The following CTNNA2 variants were observed in gnomAD, a reference collection of about 807,000 sequenced individuals.
The protein encoded by CTNNA2 is catenin alpha-2.
CTNNA2 carries 42 observed loss-of-function variants against 101.0 expected under a neutral mutation model. That is an observed-to-expected ratio of 0.42 (90% confidence interval 0.32 to 0.54). The LOEUF is 0.54. Ranked by LOEUF, CTNNA2 falls within the 20% of genes least tolerant of loss-of-function variation. The pLI, the probability that CTNNA2 is intolerant of heterozygous loss-of-function variation, is 0.14. For missense variants in CTNNA2, 871 were observed against 1,223.1 expected (o/e 0.71, Z 4.29); for synonymous variants, 450 against 456.4 (o/e 0.99, Z 0.18).
chr2:79,970,271 C>G (rs1273184535), intron 7 of CTNNA2, among the ~76,000 whole-genome samples: 1 of 152,152 alleles, frequency 6.6e-6, no homozygotes, highest in Non-Finnish European at 1.5e-5. Flanking sequence ...CACCACCAGG[C>G]CAACCTCTTG....
chr2:79,588,438 AC>A (rs1043401193), intron 1 of CTNNA2, among the ~76,000 whole-genome samples: 4 of 152,314 alleles, frequency 2.6e-5, no homozygotes, highest in African/African-American at 9.6e-5. Context: ...ATAAAGATAT[AC>A]TTACATTTAT....
intron 7 of CTNNA2, among the ~76,000 whole-genome samples, chr2:80,246,449 T>C (rs1412496969): frequency 6.6e-6 from 1 of 152,234 alleles, no homozygotes; most frequent in East Asian, 1.9e-4. Context: ...ACTTGTTTAA[T>C]GAAAACTGAA....
chr2:79,951,564 C>T (rs767132375), intron 7 of CTNNA2, among the ~76,000 whole-genome samples: 5 of 151,932 alleles, frequency 3.3e-5, no homozygotes, highest in South Asian at 2.1e-4. Flanking sequence ...ACATGGGAAA[C>T]GGAGGCAGGA....
intron 2 of CTNNA2, among the ~76,000 whole-genome samples, chr2:79,214,147 A>G (rs1674214849): frequency 6.6e-6 from 1 of 152,156 alleles, no homozygotes; most frequent in Admixed American, 6.5e-5. Context: ...GAATTATGCC[A>G]AGATAGGTAA....
intron 6 of CTNNA2, among the ~76,000 whole-genome samples, chr2:79,897,227 A>G (rs1684776900): frequency 6.6e-6 from 1 of 152,094 alleles, no homozygotes; most frequent in African/African-American, 2.4e-5. Flanking sequence ...GTCCTAGATA[A>G]TAACCTATTA....
intron 7 of CTNNA2, among the ~76,000 whole-genome samples, chr2:79,977,162 AATAAATGCATGAGTG>A (rs1690910509): frequency 6.6e-6 from 1 of 151,492 alleles, no homozygotes; most frequent in African/African-American, 2.4e-5. Context: ...TATGTGAATC[AATAAATGCATGAGTG>A]ATGTAATTGC....
Position 80,480,120 on chromosome 2 carries a change from A to G in CTNNA2, c.1290+60519A>G, listed in dbSNP as rs187936747. ...ATGCCCAATAAAAAATAAAATGTAAACCTTACCCATTATTTGCATGTTAAT... is the reference window on the plus strand; with the variant it reads ...ATGCCCAATAAAAAATAAAATGTAAGCCTTACCCATTATTTGCATGTTAAT... On this transcript the variant is annotated intron_variant, in intron 9 of 18. Coordinates refer to ENST00000402739, the MANE Select transcript of CTNNA2 (RefSeq NM_001282597.3). Among the ~76,000 whole-genome samples, 32 of 152,152 alleles carry G rather than the reference A, an allele frequency of 2.1e-4. No homozygotes were observed. The East Asian group carries it at 5.8e-3, about 28-fold the overall frequency.
At chr2:79,816,198 A>C (rs1383845881) in intron 3 of CTNNA2, among the ~76,000 whole-genome samples, 2 of 152,106 alleles carry the variant, frequency 1.3e-5, no homozygotes, top group Admixed American at 1.3e-4. Flanking sequence ...TATCGTCAGC[A>C]ATGAGTGACA....
chr2:79,699,331 A>T (rs1293505937), intron 2 of CTNNA2, among the ~76,000 whole-genome samples: 3 of 152,098 alleles, frequency 2.0e-5, no homozygotes, highest in African/African-American at 7.2e-5. Context: ...TAATAAGATG[A>T]GGATCATAAA....
chr2:80,141,853 G>A (rs1002052546), intron 7 of CTNNA2, among the ~76,000 whole-genome samples: 14 of 116,326 alleles, frequency 1.2e-4, no homozygotes, highest in East Asian at 2.8e-4. Context: ...ACTAAAGATA[G>A]CATTTTTTTT....
intron 7 of CTNNA2, among the ~76,000 whole-genome samples, chr2:80,081,612 G>T (rs142886289): frequency 6.7e-6 from 1 of 149,544 alleles, no homozygotes; most frequent in African/African-American, 2.5e-5. Context: ...TTAAAAAATT[G>T]ATTTGGCCTG....
intron 4 of CTNNA2, among the ~76,000 whole-genome samples, chr2:79,448,450 G>A (rs1198281297): frequency 3.3e-5 from 5 of 151,970 alleles, no homozygotes; most frequent in Non-Finnish European, 7.4e-5. Flanking sequence ...TTTAATTTGT[G>A]TTCAAAGAAT....
chr2:80,570,025 C>G (rs973295075), intron 12 of CTNNA2, among the ~76,000 whole-genome samples: 2 of 151,752 alleles, frequency 1.3e-5, no homozygotes, highest in Non-Finnish European at 2.9e-5. Flanking sequence ...GGTCATTGTT[C>G]TATAAACTTT....
intron 4 of CTNNA2, chr2:79,866,725 A>G (rs1682131300): frequency 6.6e-6 from 1 of 152,202 alleles, no homozygotes; most frequent in South Asian, 2.1e-4. Flanking sequence ...CCATGCAGCA[A>G]GTTGGTGTCT....
intron 7 of CTNNA2, among the ~76,000 whole-genome samples, chr2:80,256,559 C>G (rs1672169422): frequency 6.6e-6 from 1 of 152,114 alleles, no homozygotes; most frequent in Non-Finnish European, 1.5e-5. Context: ...ATCCCTACTT[C>G]TGGATAAAAA....
At chr2:80,356,628 A>G (rs11902493) in intron 7 of CTNNA2, among the ~76,000 whole-genome samples, 4,750 of 152,244 alleles carry the variant, frequency 0.031, 144 homozygotes, top group African/African-American at 0.073. Flanking sequence ...GTCATGGGAA[A>G]AAATAATAGA....
chr2:79,534,531 G>C (rs1672937796), intron 1 of CTNNA2, among the ~76,000 whole-genome samples: 1 of 151,076 alleles, frequency 6.6e-6, no homozygotes, highest in Non-Finnish European at 1.5e-5. Flanking sequence ...CTTGTGAACA[G>C]TTTTTTTTTC....
At chr2:79,722,185 A>G (rs1686530600) in intron 2 of CTNNA2, among the ~76,000 whole-genome samples, 1 of 152,212 alleles carries the variant, frequency 6.6e-6, no homozygotes, top group Non-Finnish European at 1.5e-5. Context: ...GGCTGGGGAC[A>G]TATAATGATG....
chr2:79,293,972 A>T (rs1675900189), intron 2 of CTNNA2, among the ~76,000 whole-genome samples: 1 of 152,108 alleles, frequency 6.6e-6, no homozygotes, highest in African/African-American at 2.4e-5. Flanking sequence ...AGTTGTTTGT[A>T]GAATGGAATG....
Sources: gnomAD v4.1 joint callset for allele counts (sites outside exome capture counted in the v4.1 genomes callset) on GRCh38, gnomAD v4.1.1 for gene constraint, MANE v1.5 for transcripts, NCBI Gene and HGNC (gene_info 2026-07-23, HGNC 2026-07-21) for gene names.